PPP4R3A: variants seen among roughly 807,000 people sequenced by gnomAD.
PPP4R3A encodes the protein protein phosphatase 4 regulatory subunit 3A.
In PPP4R3A, 15 loss-of-function variants were observed where a neutral mutation model predicts 91.7. The observed-to-expected ratio is 0.16, with a 90% CI of 0.11 to 0.25. PPP4R3A has a LOEUF of 0.25. PPP4R3A is among the 10% of genes least tolerant of loss of function. PPP4R3A has a pLI of 1.00. For missense variants in PPP4R3A, 623 were observed against 998.4 expected (o/e 0.62, Z 5.07); for synonymous variants, 377 against 348.7 (o/e 1.08, Z -0.91).
chr14:91,473,483 G>T, intron 7 of PPP4R3A, 113 bp from the exon 8 acceptor site: 1 of 1,130,662 alleles, frequency 8.8e-7, no homozygotes, highest in Non-Finnish European at 1.2e-6. Context: ...TTTGTTAACT[G>T]CAAAGTGAAA....
At chr14:91,460,637 CTTTTTTTT>C (rs573677740) in intron 14 of PPP4R3A, among the ~76,000 whole-genome samples, 1 of 111,282 alleles carries the variant, frequency 9.0e-6, no homozygotes, top group East Asian at 2.7e-4. Context: ...GATTTTGTTC[CTTTTTTTT>C]TTTTTTTTTT....
At chr14:91,470,072 A>C (rs1388984144) in intron 10 of PPP4R3A, among the ~76,000 whole-genome samples, 5 of 152,048 alleles carry the variant, frequency 3.3e-5, no homozygotes, top group Non-Finnish European at 7.4e-5. Context: ...CAAACACTCA[A>C]ACTTACCTTT....
chr14:91,473,188 C>G, intron 8 of PPP4R3A, 51 bp downstream of exon 8: 6 of 1,612,738 alleles, frequency 3.7e-6, no homozygotes, highest in Non-Finnish European at 5.1e-6. Context: ...TTCCTACCAG[C>G]AATACACAAT....
chr14:91,475,282 A>G (rs1431398630), intron 7 of PPP4R3A: 2 of 153,964 alleles, frequency 1.3e-5, no homozygotes, highest in African/African-American at 4.8e-5. Context: ...CACCCTTCAC[A>G]TTACCAGGAT....
At chr14:91,498,155 T>C (rs1014247083) in intron 1 of PPP4R3A, among the ~76,000 whole-genome samples, 1 of 152,076 alleles carries the variant, frequency 6.6e-6, no homozygotes, top group Non-Finnish European at 1.5e-5. Flanking sequence ...GCCAACATGG[T>C]GAAACCCCGT....
chr14:91,480,778 G>A (rs758207898), intron 4 of PPP4R3A, among the ~76,000 whole-genome samples: 1 of 152,166 alleles, frequency 6.6e-6, no homozygotes, highest in Non-Finnish European at 1.5e-5. Context: ...GCTCACAACT[G>A]TAATCCCAAC....
chr14:91,507,426 A>G lies in PPP4R3A; in HGVS notation c.142+2080T>C, dbSNP rs1480267066. Among the ~76,000 whole-genome samples, 84 of 136,020 alleles carry G rather than the reference A, an allele frequency of 6.2e-4. 3 individuals are homozygous for G. Among genetic ancestry groups the G allele is most frequent in the Non-Finnish European group, 1.1e-3 (68 of 64,006 alleles). The allele number at this position is 136,020 out of a possible 152,430, so 89.2% of individuals were successfully genotyped here. On this transcript the variant is annotated intron_variant, in intron 1 of 14. Coordinates refer to ENST00000554943, the MANE Select transcript of PPP4R3A (RefSeq NM_001366432.2). ...TAATTATATATACTATATAATATATATACTATAATTATATATACTATATAG... is the reference window on the plus strand; with the variant it reads ...TAATTATATATACTATATAATATATGTACTATAATTATATATACTATATAG...
At chr14:91,507,593 C>CTAT (rs1566661009) in intron 1 of PPP4R3A, among the ~76,000 whole-genome samples, 1 of 51,182 alleles carries the variant, frequency 2.0e-5, no homozygotes, top group African/African-American at 8.6e-5. Context: ...GTTATATATA[C>CTAT]ATGTTATACA....
intron 4 of PPP4R3A, among the ~76,000 whole-genome samples, chr14:91,479,707 A>T (rs1420934434): frequency 1.3e-5 from 2 of 151,806 alleles, no homozygotes; most frequent in Admixed American, 6.6e-5. Flanking sequence ...ACGTTTAGCT[A>T]ATTGTTGTAT....
intron 1 of PPP4R3A, among the ~76,000 whole-genome samples, chr14:91,498,718 T>A (rs1270012007): frequency 6.6e-6 from 1 of 151,412 alleles, no homozygotes; most frequent in East Asian, 2.0e-4. Context: ...ATCGAGACCA[T>A]CCTGGCTAAC....
intron 2 of PPP4R3A, among the ~76,000 whole-genome samples, chr14:91,488,896 T>A (rs2140130228): frequency 6.9e-6 from 1 of 144,694 alleles, no homozygotes; most frequent in Non-Finnish European, 1.5e-5. Context: ...CTAGTCATAA[T>A]ATAGATACCA....
At chr14:91,497,333 CTTTT>C (rs1890633626) in intron 1 of PPP4R3A, among the ~76,000 whole-genome samples, 2 of 111,836 alleles carry the variant, frequency 1.8e-5, no homozygotes, top group South Asian at 3.2e-4. Context: ...CAAGAGGAAT[CTTTT>C]ATTTACACAC....
intron 10 of PPP4R3A, chr14:91,466,259 A>C: frequency 1.0e-6 from 1 of 985,850 alleles, no homozygotes; most frequent in Non-Finnish European, 1.2e-6. Context: ...AAGCATACTC[A>C]CTTCATGCAG....
chr14:91,499,452 T>C (rs1169915826), intron 1 of PPP4R3A, among the ~76,000 whole-genome samples: 1 of 151,868 alleles, frequency 6.6e-6, no homozygotes, highest in Non-Finnish European at 1.5e-5. Flanking sequence ...GTCCCAAATA[T>C]ACTGATAATA....
intron 11 of PPP4R3A, among the ~76,000 whole-genome samples, chr14:91,463,191 G>C (rs933795500): frequency 6.6e-6 from 1 of 151,970 alleles, no homozygotes; most frequent in Non-Finnish European, 1.5e-5. Flanking sequence ...TCAGCCTCCA[G>C]AGTAGCTGGG....
At chr14:91,482,404 TC>T (rs1307429053) in intron 3 of PPP4R3A, among the ~76,000 whole-genome samples, 1 of 152,212 alleles carries the variant, frequency 6.6e-6, no homozygotes, top group Non-Finnish European at 1.5e-5. Context: ...AGAATGAGCT[TC>T]CCTATAAAGT....
chr14:91,476,018 A>G (rs199956951), intron 6 of PPP4R3A, 52 bp from the exon 7 acceptor site: 267 of 1,470,248 alleles, frequency 1.8e-4, no homozygotes, highest in Middle Eastern at 6.0e-4. Context: ...TACGGAACCT[A>G]TAGCTATGTA....
rs142052342 is a variant in PPP4R3A, at chr14:91,493,126, C to T, written c.143-2324G>A. ...AAAGTAGGCTGGGCGTGGTGGCTCACGCCTGTAATCCCAGCATTTTGGAAG... is the reference window on the plus strand; with the variant it reads ...AAAGTAGGCTGGGCGTGGTGGCTCATGCCTGTAATCCCAGCATTTTGGAAG... On this transcript the variant is annotated intron_variant, in intron 1 of 14. Transcript: ENST00000554943. Among the ~76,000 whole-genome samples, 125 of 152,210 alleles carry T rather than the reference C, an allele frequency of 8.2e-4. 1 individual carries two copies. The highest frequency in any genetic ancestry group is 3.4e-3 in the Middle Eastern group (1 of 294).
chr14:91,505,408 C>T (rs1213962061), intron 1 of PPP4R3A, among the ~76,000 whole-genome samples: 1 of 150,382 alleles, frequency 6.6e-6, no homozygotes, highest in Admixed American at 6.6e-5. Flanking sequence ...CAAGATGATG[C>T]TACTGCACTC....
Sources: gnomAD v4.1 joint callset for allele counts (sites outside exome capture counted in the v4.1 genomes callset) on GRCh38, gnomAD v4.1.1 for gene constraint, MANE v1.5 for transcripts, NCBI Gene and HGNC (gene_info 2026-07-23, HGNC 2026-07-21) for gene names.